CALB1: variants seen among roughly 807,000 people sequenced by gnomAD.
CALB1 encodes calbindin 1, also known as calbindin.
CALB1 carries 16 observed loss-of-function variants against 46.7 expected under a neutral mutation model. That is an observed-to-expected ratio of 0.34 (90% CI 0.23 to 0.52). The LOEUF (loss-of-function observed/expected upper bound fraction) is 0.52, where lower values mean the gene tolerates loss of function less well. Ranked by LOEUF, CALB1 falls within the 20% of genes least tolerant of loss-of-function variation. The pLI is 0.95. For synonymous variants in CALB1, 90 were observed against 112.8 expected (o/e 0.80, Z 1.28); for missense variants, 224 against 300.3 (o/e 0.75, Z 1.88).
In CALB1 at chr8:90,082,758, G is replaced by T. The variant is rs963767847; in HGVS notation, c.-61C>A. 2.4e-5 allele frequency: 35 copies of T among 1,470,200 alleles called. No individual in the cohort carries two copies. Among genetic ancestry groups the T allele is most frequent in the Non-Finnish European group, 3.2e-5 (34 of 1,049,312 alleles). The allele number at this position is 1,470,200 out of a possible 1,614,324, so 91.1% of individuals were successfully genotyped here. A position where few individuals can be genotyped will look rare whatever the true frequency, so the allele number is the denominator to read the frequency against. On this transcript the variant is annotated 5_prime_UTR_variant, in exon 1 of 11. Transcript: ENST00000265431. ...GCGTGTGTCTGTGTCCGCGCGAGGG[G>T]GAGTGAGCAAAAGCTCAGCGTGTGC...
intron 2 of CALB1, among the ~76,000 whole-genome samples, chr8:90,080,643 C>T (rs910653142): frequency 6.6e-6 from 1 of 151,684 alleles, no homozygotes; most frequent in Non-Finnish European, 1.5e-5. Context: ...TATTTTATTC[C>T]GTTCTATTAT....
chr8:90,073,755 C>T (rs1331782050), intron 3 of CALB1, among the ~76,000 whole-genome samples: 1 of 152,180 alleles, frequency 6.6e-6, no homozygotes, highest in Non-Finnish European at 1.5e-5. Flanking sequence ...AAATACTAGG[C>T]ACTGTGCTGG....
At position 90,060,502 on chromosome 8, in the gene CALB1, A is replaced by C. The variant is rs907408662; in HGVS notation, c.672+127T>G. ...TTTAGGCCAGAACCAAATTGAGTTA[A>C]GAATTGAATTCTATTTCTGCTCCTC... On this transcript the variant is annotated intron_variant, in intron 10 of 10. Transcript: ENST00000265431. 4.9e-6 allele frequency: 4 copies of C among 818,694 alleles called. No homozygotes were observed. In the Admixed American group the frequency reaches 8.7e-5, roughly 18 times the overall value. The allele number at this position is 818,694 out of a possible 1,614,324, so 50.7% of individuals were successfully genotyped here.
intron 9 of CALB1, chr8:90,061,774 C>G (rs1007436018): frequency 1.3e-5 from 2 of 151,998 alleles, no homozygotes; most frequent in African/African-American, 2.4e-5. Context: ...GTTAAAATGT[C>G]TATATTACTC....
intron 3 of CALB1, among the ~76,000 whole-genome samples, chr8:90,070,722 C>T (rs1446888344): frequency 6.6e-6 from 1 of 151,956 alleles, no homozygotes; most frequent in Admixed American, 6.6e-5. Context: ...AGAAAGGTCA[C>T]TAGTGTGGGT....
chr8:90,066,022 G>A (rs776556751), intron 5 of CALB1, 47 bp from the exon 6 acceptor site: 37 of 1,221,154 alleles, frequency 3.0e-5, no homozygotes, highest in Middle Eastern at 1.9e-4. Flanking sequence ...ATAATATATC[G>A]TCTACTTTCA....
chr8:90,066,657 TG>T (rs1335161072), intron 5 of CALB1, among the ~76,000 whole-genome samples: 1 of 151,908 alleles, frequency 6.6e-6, no homozygotes, highest in Non-Finnish European at 1.5e-5. Context: ...GTGGGAAGGA[TG>T]AAAAAAAGAT....
At chr8:90,069,427 G>T (rs118064459) in intron 3 of CALB1, among the ~76,000 whole-genome samples, 190 bp from the exon 4 acceptor site, 2 of 152,080 alleles carry the variant, frequency 1.3e-5, no homozygotes, top group Admixed American at 6.6e-5. Context: ...TCCAACGCTC[G>T]TGTGCCCTTG....
intron 3 of CALB1, among the ~76,000 whole-genome samples, chr8:90,076,632 A>G (rs1314038362): frequency 6.6e-6 from 1 of 151,858 alleles, no homozygotes; most frequent in Non-Finnish European, 1.5e-5. Context: ...TCTGTTACCT[A>G]TATTTCTATA....
At chr8:90,080,760 C>A (rs867824120) in intron 2 of CALB1, among the ~76,000 whole-genome samples, 2 of 151,888 alleles carry the variant, frequency 1.3e-5, no homozygotes, top group Non-Finnish European at 2.9e-5. Context: ...TTCTATAGTG[C>A]ATTATAATAC....
intron 3 of CALB1, among the ~76,000 whole-genome samples, chr8:90,076,246 A>G (rs1188113804): frequency 6.6e-6 from 1 of 152,106 alleles, no homozygotes; most frequent in Non-Finnish European, 1.5e-5. Flanking sequence ...GAAACTTGCC[A>G]TAAGTAATCA....
At chr8:90,072,508 A>T (rs949147996) in intron 3 of CALB1, among the ~76,000 whole-genome samples, 2 of 152,248 alleles carry the variant, frequency 1.3e-5, no homozygotes, top group Non-Finnish European at 2.9e-5. Context: ...AGTCTTAAGC[A>T]TATAAAAATT....
intron 10 of CALB1, 128 bp downstream of exon 10, chr8:90,060,500 TA>T (rs1316563014): frequency 3.7e-6 from 3 of 814,286 alleles, no homozygotes; most frequent in Non-Finnish European, 4.1e-6. Context: ...CAAATTGAGT[TA>T]AGAATTGAAT....
chr8:90,064,344 C>T (rs1814352376), intron 6 of CALB1: 1 of 151,538 alleles, frequency 6.6e-6, no homozygotes, highest in Non-Finnish European at 1.5e-5. Flanking sequence ...AATCCATTGA[C>T]CATAAATTCT....
intron 3 of CALB1, among the ~76,000 whole-genome samples, chr8:90,072,237 A>G (rs1814538323): frequency 6.6e-6 from 1 of 152,202 alleles, no homozygotes; most frequent in Non-Finnish European, 1.5e-5. Context: ...GGAAATTGCC[A>G]TCTTTGTTTC....
intron 9 of CALB1, chr8:90,062,757 A>C (rs1453457992): frequency 5.5e-6 from 1 of 181,442 alleles, no homozygotes; most frequent in African/African-American, 2.4e-5. Flanking sequence ...ACTATGAAAA[A>C]CAGTATGGAG....
At chr8:90,068,357 A>C (rs1814437141) in intron 5 of CALB1, among the ~76,000 whole-genome samples, 1 of 152,124 alleles carries the variant, frequency 6.6e-6, no homozygotes, top group Admixed American at 6.5e-5. Flanking sequence ...TCATTCTCTA[A>C]GTTGCAGTTT....
Position 90,059,355 on chromosome 8 carries a change from T to C in CALB1, c.*818A>G, listed in dbSNP as rs1351826283. 6.6e-6 allele frequency: 1 copy of C among 152,642 alleles called. No homozygotes were observed. The highest frequency in any genetic ancestry group is 1.9e-4 in the East Asian group (1 of 5,182). The allele number at this position is 152,642 out of a possible 1,614,324, so 9.5% of individuals were successfully genotyped here. A position where few individuals can be genotyped will look rare whatever the true frequency, so the allele number is the denominator to read the frequency against. On this transcript the variant is annotated 3_prime_UTR_variant, in exon 11 of 11. Coordinates refer to ENST00000265431, the MANE Select transcript of CALB1 (RefSeq NM_004929.4). ...CTACATAGAAAGAAAATCCAGGAAG[T>C]ATGCAAACTAGACACCAGGATATGC... is the stretch of plus-strand genomic sequence containing the variant.
chr8:90,081,349 A>G, intron 2 of CALB1: 1 of 281,816 alleles, frequency 3.5e-6, no homozygotes, highest in Non-Finnish European at 5.4e-6. Flanking sequence ...TCTTGCTTTC[A>G]ACAGAAATGA....
Sources: gnomAD v4.1 joint callset for allele counts (sites outside exome capture counted in the v4.1 genomes callset) on GRCh38, gnomAD v4.1.1 for gene constraint, MANE v1.5 for transcripts, NCBI Gene and HGNC (gene_info 2026-07-23, HGNC 2026-07-21) for gene names.